FRMPD2: variants seen among roughly 807,000 people sequenced by gnomAD.
The protein encoded by FRMPD2 is FERM and PDZ domain containing 2, also known as FERM and PDZ domain-containing protein 2.
In FRMPD2, 96 loss-of-function variants were observed where a neutral mutation model predicts 140.1. That is an observed-to-expected ratio of 0.69 (90% CI 0.58 to 0.81). The LOEUF (loss-of-function observed/expected upper bound fraction) is 0.81, where lower values mean the gene tolerates loss of function less well. FRMPD2 is among the 40% of genes least tolerant of loss of function. FRMPD2 has a pLI of 0.00. For synonymous variants in FRMPD2, 449 were observed against 547.6 expected (o/e 0.82, Z 2.52); for missense variants, 1,240 against 1,447.4 (o/e 0.86, Z 2.32).
intron 1 of FRMPD2, among the ~76,000 whole-genome samples, chr10:48,270,628 G>C (rs1288053064): frequency 6.6e-6 from 1 of 151,988 alleles, no homozygotes; most frequent in Non-Finnish European, 1.5e-5. Flanking sequence ...CGTTTCTTGA[G>C]CTCCTGCTTG....
At chr10:48,231,264 A>C (rs1839841470) in intron 10 of FRMPD2, among the ~76,000 whole-genome samples, 1 of 152,248 alleles carries the variant, frequency 6.6e-6, no homozygotes, top group South Asian at 2.1e-4. Flanking sequence ...CTGGGAGGCC[A>C]TAAGGGAGGG....
chr10:48,213,083 TG>T (rs1839368833), intron 12 of FRMPD2, among the ~76,000 whole-genome samples: 1 of 152,082 alleles, frequency 6.6e-6, no homozygotes, highest in African/African-American at 2.4e-5. Context: ...TCACTGGGGC[TG>T]GGGGTGAATG....
intron 4 of FRMPD2, 95 bp from the exon 5 acceptor site, chr10:48,242,447 G>T: frequency 9.1e-7 from 1 of 1,094,558 alleles, no homozygotes; most frequent in Non-Finnish European, 1.3e-6. Flanking sequence ...ACATGGAAAC[G>T]GGTGTTCCCA....
At chr10:48,221,992 G>T (rs1229159061) in intron 12 of FRMPD2, among the ~76,000 whole-genome samples, 2 of 151,108 alleles carry the variant, frequency 1.3e-5, no homozygotes, top group Non-Finnish European at 3.0e-5. Context: ...ATGGATGGAT[G>T]GATGGATGGA....
At chr10:48,202,434 G>A (rs1486830554) in intron 14 of FRMPD2, among the ~76,000 whole-genome samples, 1 of 152,078 alleles carries the variant, frequency 6.6e-6, no homozygotes, top group Non-Finnish European at 1.5e-5. Flanking sequence ...CTTTTTCTTT[G>A]AGAAACCCCT....
chr10:48,184,671 G>GT lies in FRMPD2; in HGVS notation c.2478dup (p.Leu827ThrfsTer18). On this transcript the variant is annotated frameshift_variant, in exon 20 of 29. Coordinates refer to ENST00000374201, the MANE Select transcript of FRMPD2 (RefSeq NM_001018071.4). LOFTEE classifies it high-confidence loss of function. ...TCCAGACTGATGTGATTCAGGGCTA[G>GT]TATCTGCCCTCCTAGAAAAATAAAA... 1 of 1,610,046 alleles carries GT rather than the reference G, an allele frequency of 6.2e-7. No homozygotes were observed. The highest frequency in any genetic ancestry group is 8.5e-7 in the Non-Finnish European group (1 of 1,176,556).
At chr10:48,193,350 A>T (rs1387070609) in intron 15 of FRMPD2, among the ~76,000 whole-genome samples, 2 of 152,184 alleles carry the variant, frequency 1.3e-5, no homozygotes, top group African/African-American at 4.8e-5. Context: ...GTGGAGTATA[A>T]CCTTTAATCT....
chr10:48,238,201 G>A, intron 7 of FRMPD2, 78 bp from the exon 8 acceptor site: 1 of 1,469,614 alleles, frequency 6.8e-7, no homozygotes, highest in Non-Finnish European at 9.3e-7. Context: ...CCCGCACAGG[G>A]GCTCAGTTGG....
chr10:48,221,369 A>G (rs1319820028), intron 12 of FRMPD2, among the ~76,000 whole-genome samples: 3 of 152,172 alleles, frequency 2.0e-5, no homozygotes, highest in Non-Finnish European at 2.9e-5. Flanking sequence ...TCTCACTCAT[A>G]AGTGCGAGCT....
intron 9 of FRMPD2, among the ~76,000 whole-genome samples, chr10:48,235,501 G>A (rs1381644385): frequency 1.3e-5 from 2 of 152,198 alleles, no homozygotes; most frequent in East Asian, 3.9e-4. Flanking sequence ...GGATTCAATG[G>A]GATTTTGCTG....
chr10:48,191,585 A>C (rs1838831209), intron 16 of FRMPD2, among the ~76,000 whole-genome samples: 1 of 152,178 alleles, frequency 6.6e-6, no homozygotes, highest in South Asian at 2.1e-4. Context: ...ATAATTATGG[A>C]TATAGATATA....
intron 10 of FRMPD2, among the ~76,000 whole-genome samples, chr10:48,223,831 C>G (rs546356023): frequency 6.6e-6 from 1 of 152,172 alleles, no homozygotes; most frequent in Non-Finnish European, 1.5e-5. Flanking sequence ...ATCCTTATAA[C>G]AGGAGGAAGA....
intron 17 of FRMPD2, among the ~76,000 whole-genome samples, chr10:48,186,399 T>C (rs1249096748): frequency 6.6e-6 from 1 of 152,220 alleles, no homozygotes; most frequent in Non-Finnish European, 1.5e-5. Flanking sequence ...CAACTTGAAT[T>C]GTATCTCCCA....
chr10:48,270,486 T>A (rs1044517887), intron 1 of FRMPD2, among the ~76,000 whole-genome samples: 14 of 152,342 alleles, frequency 9.2e-5, no homozygotes, highest in Non-Finnish European at 2.1e-4. Flanking sequence ...TAACAATGAA[T>A]AAAGGCAATG....
chr10:48,223,191 C>T lies in FRMPD2; in HGVS notation c.1248G>A (p.Lys416=), dbSNP rs1369149053. ...APEGWREQPQ[K]TSMNTFTLFL... ...AGAGTGTGAAGGTATTCATGGAGGT[C>T]TTCTGAGGCTGCTCTCTCCAGCCTT... The change falls in exon 11 of 29, where the codon AAG becomes AAA. Residue 416 remains lysine (K), a synonymous_variant. Coordinates refer to ENST00000374201, the MANE Select transcript of FRMPD2 (RefSeq NM_001018071.4). 2 of 1,614,014 alleles carry T rather than the reference C, an allele frequency of 1.2e-6. No individual in the cohort carries two copies. Among genetic ancestry groups the T allele is most frequent in the Non-Finnish European group, 1.7e-6 (2 of 1,179,896 alleles).
intron 4 of FRMPD2, 25 bp from the exon 5 acceptor site, chr10:48,242,377 A>G: frequency 6.2e-7 from 1 of 1,600,048 alleles, no homozygotes; most frequent in South Asian, 1.1e-5. Context: ...GGCCGGTGAG[A>G]GGAGAGAGCA....
chr10:48,174,111 G>A (rs1349681683), intron 24 of FRMPD2, among the ~76,000 whole-genome samples: 3 of 152,170 alleles, frequency 2.0e-5, no homozygotes, highest in African/African-American at 7.2e-5. Context: ...CCAGAAAACC[G>A]CTTTGGGAAA....
intron 1 of FRMPD2, among the ~76,000 whole-genome samples, chr10:48,268,763 T>C (rs1840718950): frequency 6.6e-6 from 1 of 151,796 alleles, no homozygotes; most frequent in Non-Finnish European, 1.5e-5. Context: ...TGTATCTTGA[T>C]TGTGGTAGTG....
chr10:48,257,039 T>A (rs1198600649), intron 1 of FRMPD2, among the ~76,000 whole-genome samples: 2 of 152,158 alleles, frequency 1.3e-5, no homozygotes, highest in Non-Finnish European at 2.9e-5. Context: ...CTATGGTCCC[T>A]CCACAGGCTC....
Sources: allele counts gnomAD v4.1 joint callset (sites outside exome capture counted in the v4.1 genomes callset), GRCh38; gene constraint gnomAD v4.1.1; transcripts MANE v1.5; gene names NCBI Gene and HGNC (gene_info 2026-07-23, HGNC 2026-07-21).